The following MLF1 variants were observed in gnomAD, a reference collection of about 807,000 sequenced individuals.
MLF1 encodes myeloid leukemia factor 1.
In MLF1, 37 loss-of-function variants were observed where a neutral mutation model predicts 38.3. That is an observed-to-expected ratio of 0.96 (90% CI 0.74 to 1.27). The LOEUF is 1.27. Ranked by LOEUF, MLF1 falls within the 50% of genes most tolerant of loss-of-function variation. The pLI is 0.00. For missense variants in MLF1, 331 were observed against 349.2 expected, an observed-to-expected ratio of 0.95 and a Z score of 0.42; for synonymous variants, 95 against 106.5, an observed-to-expected ratio of 0.89 and a Z score of 0.66.
chr3:158,600,207 A>T (rs1354437600), intron 6 of MLF1, 34 bp downstream of exon 6: 4 of 1,317,218 alleles, frequency 3.0e-6, no homozygotes, highest in Non-Finnish European at 4.0e-6. Flanking sequence ...ATTCTTTCTT[A>T]TAAATTTAAA....
intron 1 of MLF1, among the ~76,000 whole-genome samples, chr3:158,588,494 G>T (rs1447226194): frequency 1.3e-5 from 2 of 151,654 alleles, no homozygotes; most frequent in South Asian, 2.1e-4. Context: ...CCAGCTACTC[G>T]GGGGGCTGAG....
In MLF1 at chr3:158,593,377, T is replaced by C; in HGVS notation, c.196-5T>C. 1 of 1,547,968 alleles carries C rather than the reference T, an allele frequency of 6.5e-7. No individual in the cohort carries two copies. Among genetic ancestry groups the C allele is most frequent in the East Asian group, 2.3e-5 (1 of 43,066 alleles). On this transcript the variant is annotated splice_region_variant and splice_polypyrimidine_tract_variant and intron_variant, in intron 2 of 7. Coordinates refer to ENST00000466246, the MANE Select transcript of MLF1 (RefSeq NM_001369783.1). Reference sequence around the variant, plus strand: ...AATCAAATGAATTGGATATTATTTTTCCAGGCAACGAGTTGTTCTCTTGTG... The same window carrying C: ...AATCAAATGAATTGGATATTATTTTCCCAGGCAACGAGTTGTTCTCTTGTG...
At chr3:158,572,257 G>C (rs1714558720) in intron 1 of MLF1, among the ~76,000 whole-genome samples, 1 of 120,782 alleles carries the variant, frequency 8.3e-6, no homozygotes, top group South Asian at 3.2e-4. Context: ...GTGGGGGGAG[G>C]AGGGTTGAGG....
intron 7 of MLF1, among the ~76,000 whole-genome samples, chr3:158,604,803 C>G (rs981929533): frequency 1.3e-5 from 2 of 151,954 alleles, no homozygotes; most frequent in Middle Eastern, 3.2e-3. Flanking sequence ...GGACTACAGG[C>G]GCGCATCACC....
chr3:158,597,329 T>C (rs534509299), intron 4 of MLF1, among the ~76,000 whole-genome samples: 1 of 152,264 alleles, frequency 6.6e-6, no homozygotes, highest in African/African-American at 2.4e-5. Context: ...GAACATTTTA[T>C]ATGAATTTGC....
chr3:158,599,919 A>G, intron 5 of MLF1, 95 bp from the exon 6 acceptor site: 1 of 459,784 alleles, frequency 2.2e-6, no homozygotes, highest in Non-Finnish European at 3.4e-6. Flanking sequence ...TTTTTAGAGC[A>G]ATAGATCTAT....
Position 158,605,254 on chromosome 3 carries a change from G to T in MLF1, c.*52G>T, listed in dbSNP as rs781429092. The T allele has an allele frequency of 6.4e-6, 9 of 1,408,256 alleles. No homozygotes were observed. The highest frequency in any genetic ancestry group is 8.9e-6 in the Non-Finnish European group (9 of 1,009,896). The allele number at this position is 1,408,256 out of a possible 1,614,324, so 87.2% of individuals were successfully genotyped here. On this transcript the variant is annotated 3_prime_UTR_variant, in exon 8 of 8. Coordinates refer to ENST00000466246, the MANE Select transcript of MLF1 (RefSeq NM_001369783.1). ...TTTGATTGTTTTAACAGTTAGTAAT[G>T]GTGCTGGGTAATAAGCATAAGACCA...
rs956747223 is a variant in MLF1, at chr3:158,606,307, T to C, written c.*1105T>C. ...AAGCCCCCAAAAATTGCTATCACTC[T>C]ATAATCCTAAGTATTTTTCTTTTCA... On this transcript the variant is annotated 3_prime_UTR_variant, in exon 8 of 8. Transcript: ENST00000466246. 5.8e-6 allele frequency: 1 copy of C among 172,854 alleles called. No individual in the cohort carries two copies. The highest frequency in any genetic ancestry group is 2.4e-5 in the African/African-American group (1 of 42,134). The allele number at this position is 172,854 out of a possible 1,614,324, so 10.7% of individuals were successfully genotyped here. A position where few individuals can be genotyped will look rare whatever the true frequency, so the allele number is the denominator to read the frequency against.
intron 5 of MLF1, 64 bp from the exon 6 acceptor site, chr3:158,599,950 G>C (rs1188862804): frequency 1.4e-6 from 1 of 718,148 alleles, no homozygotes; most frequent in Non-Finnish European, 1.9e-6. Context: ...CTGTAGGTAA[G>C]CTGGCCCTGA....
At position 158,602,861 on chromosome 3, in the gene MLF1, C is replaced by T. The variant is rs780323382; in HGVS notation, c.668C>T (p.Pro223Leu). Residue 223 changes from proline (P) to leucine (L), a missense_variant, in exon 7 of 8, where the codon CCA becomes CTA. Pro to Leu is a moderately conservative substitution (Grantham distance 98). Transcript: ENST00000466246. ...CAAAGTGAGGTTTTGAAGTACAAAC[C>T]AGGACGACACAATCTAGGAAACACT... ...EWQSEVLKYK[P>L]GRHNLGNTRM... The T allele has an allele frequency of 1.2e-6, 2 of 1,613,362 alleles. No individual in the cohort carries two copies. Among genetic ancestry groups the T allele is most frequent in the Admixed American group, 1.7e-5 (1 of 59,972 alleles).
chr3:158,573,845 C>A (rs978977169), intron 1 of MLF1, among the ~76,000 whole-genome samples: 9 of 152,150 alleles, frequency 5.9e-5, no homozygotes, highest in African/African-American at 2.2e-4. Flanking sequence ...CACTGTGTTG[C>A]CCAGGCTAGA....
chr3:158,575,065 A>G (rs920423775), intron 1 of MLF1, among the ~76,000 whole-genome samples: 4 of 152,096 alleles, frequency 2.6e-5, no homozygotes, highest in Non-Finnish European at 4.4e-5. Flanking sequence ...TTCAAGAGTC[A>G]GGGTCAGAAA....
At chr3:158,584,734 T>G (rs1411797988) in intron 1 of MLF1, among the ~76,000 whole-genome samples, 1 of 150,306 alleles carries the variant, frequency 6.7e-6, no homozygotes, top group Non-Finnish European at 1.5e-5. Flanking sequence ...CCCCTACCAA[T>G]AGAAAGTCTA....
intron 1 of MLF1, among the ~76,000 whole-genome samples, chr3:158,578,720 T>C (rs1715864202): frequency 6.6e-6 from 1 of 152,142 alleles, no homozygotes; most frequent in South Asian, 2.1e-4. Context: ...GTGGTTTGTG[T>C]GAGCAATTCT....
chr3:158,577,427 T>C (rs1715632418), intron 1 of MLF1, among the ~76,000 whole-genome samples: 1 of 152,212 alleles, frequency 6.6e-6, no homozygotes, highest in Non-Finnish European at 1.5e-5. Context: ...CTGCCACATA[T>C]ACCTCTCATT....
intron 1 of MLF1, among the ~76,000 whole-genome samples, chr3:158,590,238 T>C (rs1717921668): frequency 6.6e-6 from 1 of 152,180 alleles, no homozygotes. Context: ...TCAAAGAACA[T>C]ACATGAATGA....
At chr3:158,572,678 TG>T in intron 1 of MLF1, among the ~76,000 whole-genome samples, 1 of 69,972 alleles carries the variant, frequency 1.4e-5, no homozygotes, top group East Asian at 5.0e-4. Flanking sequence ...GAGGAGGGTT[TG>T]GGGGCATGAG....
intron 4 of MLF1, among the ~76,000 whole-genome samples, chr3:158,597,565 T>C (rs1321176895): frequency 6.6e-6 from 1 of 152,176 alleles, no homozygotes; most frequent in African/African-American, 2.4e-5. Flanking sequence ...AGTCATCCAG[T>C]TTGAATTCTA....
At position 158,574,505 on chromosome 3, in the gene MLF1, TAAA is replaced by T. The variant is rs758915813; in HGVS notation, c.47+3178_47+3180del. On this transcript the variant is annotated intron_variant, in intron 1 of 7. Transcript: ENST00000466246. ...CAACATGGTGAAACCCCATCTGTAC[TAAA>T]AAAAAAAAAAAAAAAAAAATACAAA... 2.4e-4 allele frequency among the ~76,000 whole-genome samples: 22 copies of T among 91,388 alleles called. 1 individual carries two copies. Among genetic ancestry groups the T allele is most frequent in the East Asian group, 2.3e-3 (8 of 3,504 alleles). 60.0% of individuals were successfully genotyped at this position (91,388 alleles called of 152,430 possible).
Sources: allele counts gnomAD v4.1 joint callset (sites outside exome capture counted in the v4.1 genomes callset), GRCh38; gene constraint gnomAD v4.1.1; transcripts MANE v1.5; gene names NCBI Gene and HGNC (gene_info 2026-07-23, HGNC 2026-07-21).